PRKAG2: variants seen among roughly 807,000 people sequenced by gnomAD.
PRKAG2 encodes the protein protein kinase AMP-activated non-catalytic subunit gamma 2.
Under a neutral mutation model 69.6 loss-of-function variants are expected in PRKAG2, and 26 were observed. The observed-to-expected ratio is 0.37, with a 90% confidence interval of 0.27 to 0.52. The LOEUF is 0.52. Among genes scored for constraint, PRKAG2 ranks in the 20% least tolerant of loss-of-function variants. The pLI, the probability that PRKAG2 is intolerant of heterozygous loss-of-function variation, is 0.90. For missense variants in PRKAG2, 557 were observed against 740.0 expected (o/e 0.75, Z 2.87); for synonymous variants, 293 against 285.0 (o/e 1.03, Z -0.28).
At chr7:151,667,651 T>G (rs530272012) in intron 4 of PRKAG2, among the ~76,000 whole-genome samples, 1 of 152,376 alleles carries the variant, frequency 6.6e-6, no homozygotes, top group Non-Finnish European at 1.5e-5. Context: ...GTGCCTGTTC[T>G]GAGCCTAGGC....
intron 5 of PRKAG2, among the ~76,000 whole-genome samples, chr7:151,616,985 C>T (rs1051248244): frequency 2.0e-5 from 3 of 152,000 alleles, no homozygotes; most frequent in Non-Finnish European, 2.9e-5. Flanking sequence ...CTAGGCCGGG[C>T]GCGGGGGCTC....
intron 1 of PRKAG2, among the ~76,000 whole-genome samples, chr7:151,868,136 G>A (rs753433560): frequency 5.3e-5 from 8 of 152,218 alleles, no homozygotes; most frequent in Non-Finnish European, 5.9e-5. Context: ...GGTGATAGCC[G>A]ATTGGTCCGT....
chr7:151,765,469 C>T (rs1392915382), intron 3 of PRKAG2, among the ~76,000 whole-genome samples: 1 of 152,154 alleles, frequency 6.6e-6, no homozygotes, highest in African/African-American at 2.4e-5. Flanking sequence ...AACAAGAAGC[C>T]AAACCATATC....
At chr7:151,587,033 C>T (rs1372605986) in intron 6 of PRKAG2, among the ~76,000 whole-genome samples, 1 of 152,016 alleles carries the variant, frequency 6.6e-6, no homozygotes, top group East Asian at 1.9e-4. Context: ...TGTTGTTGCC[C>T]GCCTGTAATC....
intron 2 of PRKAG2, among the ~76,000 whole-genome samples, chr7:151,782,608 A>G (rs953208643): frequency 6.6e-6 from 1 of 152,188 alleles, no homozygotes; most frequent in Non-Finnish European, 1.5e-5. Context: ...TTCCTGCTGG[A>G]TGCGTGGAGG....
In PRKAG2 at chr7:151,595,482, T is replaced by G. The variant is rs553273817; in HGVS notation, c.755-28A>C. The G allele has an allele frequency of 4.8e-5, 70 of 1,468,244 alleles. No individual in the cohort carries two copies. The East Asian group carries it at 1.1e-3, about 23-fold the overall frequency. The allele number at this position is 1,468,244 out of a possible 1,614,324, so 91.0% of individuals were successfully genotyped here. ...AAAAGAAAAAAAGGCAAAACATCAGTAATAATAAAGAATTCCCTCAATCGG... is the reference window on the plus strand; with the variant it reads ...AAAAGAAAAAAAGGCAAAACATCAGGAATAATAAAGAATTCCCTCAATCGG... On this transcript the variant is annotated intron_variant, in intron 5 of 15. Transcript: ENST00000287878.
In PRKAG2 at chr7:151,752,958, A is replaced by G. The variant is rs185421844; in HGVS notation, c.466+28194T>C. On this transcript the variant is annotated intron_variant, in intron 3 of 15. Transcript: ENST00000287878. ...AAGTGACCGGCGTCCACTTCACCGG[A>G]AAGGTGTCGCGGCCGCATCGGGTGA... 8.6e-4 allele frequency among the ~76,000 whole-genome samples: 131 copies of G among 152,350 alleles called. No homozygotes were observed. In the East Asian group the frequency reaches 0.024, roughly 28 times the overall value.
chr7:151,633,570 A>C (rs1825195532), intron 4 of PRKAG2, among the ~76,000 whole-genome samples: 1 of 151,938 alleles, frequency 6.6e-6, no homozygotes, highest in South Asian at 2.1e-4. Flanking sequence ...CATAGCATAC[A>C]AGATCAACAC....
At chr7:151,790,158 A>C (rs2077208175) in intron 1 of PRKAG2, among the ~76,000 whole-genome samples, 1 of 152,058 alleles carries the variant, frequency 6.6e-6, no homozygotes, top group Non-Finnish European at 1.5e-5. Flanking sequence ...GGCCCATAGC[A>C]ATGCAGGAAT....
intron 1 of PRKAG2, among the ~76,000 whole-genome samples, chr7:151,854,353 G>A (rs2079652824): frequency 6.6e-6 from 1 of 152,214 alleles, no homozygotes; most frequent in South Asian, 2.1e-4. Flanking sequence ...AACCCTTCTG[G>A]ACTTAGCAGC....
rs73728229 is a variant in PRKAG2 at position 151,662,312 on chromosome 7, A to G, written c.684+13108T>C. ...AAAGGAATGAAAGAAAATGTGCCCCAGATGGAACTGAGGTTTCATCCCAGC... is the reference window on the plus strand; with the variant it reads ...AAAGGAATGAAAGAAAATGTGCCCCGGATGGAACTGAGGTTTCATCCCAGC... On this transcript the variant is annotated intron_variant, in intron 4 of 15. Coordinates refer to ENST00000287878, the MANE Select transcript of PRKAG2 (RefSeq NM_016203.4). 4.9e-3 allele frequency among the ~76,000 whole-genome samples: 739 copies of G among 152,334 alleles called. 3 individuals are homozygous for G. The highest frequency in any genetic ancestry group is 0.017 in the African/African-American group (707 of 41,566).
chr7:151,743,743 C>T (rs1289087431), intron 3 of PRKAG2, among the ~76,000 whole-genome samples: 1 of 152,194 alleles, frequency 6.6e-6, no homozygotes, highest in Non-Finnish European at 1.5e-5. Flanking sequence ...AGCTGCTGCT[C>T]CATGCTCGGC....
chr7:151,813,730 C>G (rs1043093170), intron 1 of PRKAG2, among the ~76,000 whole-genome samples: 2 of 152,214 alleles, frequency 1.3e-5, no homozygotes, highest in African/African-American at 4.8e-5. Flanking sequence ...CTACGATCTT[C>G]TCTTCCTTCC....
At chr7:151,870,804 C>T (rs538396115) in intron 1 of PRKAG2, among the ~76,000 whole-genome samples, 1 of 152,338 alleles carries the variant, frequency 6.6e-6, no homozygotes, top group East Asian at 1.9e-4. Context: ...GGCCACGCGG[C>T]GGGGGGAGGC....
intron 6 of PRKAG2, among the ~76,000 whole-genome samples, chr7:151,578,259 C>T (rs531707045): frequency 1.2e-4 from 19 of 152,134 alleles, no homozygotes; most frequent in African/African-American, 3.9e-4. Context: ...GCACAAGAAT[C>T]GCTTGAACCT....
chr7:151,863,590 C>T (rs1055506349), intron 1 of PRKAG2, among the ~76,000 whole-genome samples: 6 of 152,186 alleles, frequency 3.9e-5, no homozygotes, highest in African/African-American at 1.2e-4. Flanking sequence ...ACAAAGGCCA[C>T]TGGAGGGCAG....
At chr7:151,772,700 C>T (rs546425863) in intron 3 of PRKAG2, among the ~76,000 whole-genome samples, 1 of 152,098 alleles carries the variant, frequency 6.6e-6, no homozygotes, top group South Asian at 2.1e-4. Flanking sequence ...TTTGGTGTGA[C>T]CAAGAGCCAG....
At position 151,819,670 on chromosome 7, in the gene PRKAG2, A is replaced by T. The variant is rs150003549; in HGVS notation, c.115-33129T>A. Among the ~76,000 whole-genome samples, 9 of 152,346 alleles carry T rather than the reference A, an allele frequency of 5.9e-5. No homozygotes were observed. In the East Asian group the frequency reaches 1.7e-3, roughly 29 times the overall value. On this transcript the variant is annotated intron_variant, in intron 1 of 15. Transcript: ENST00000287878. ...AAACAAACCAACCCCCGCAAAGGAT[A>T]ACAGTTTCTCTATCTTTCAAGGCCA...
intron 5 of PRKAG2, among the ~76,000 whole-genome samples, chr7:151,626,681 A>G (rs1005548081): frequency 1.8e-4 from 28 of 152,250 alleles, no homozygotes; most frequent in African/African-American, 6.5e-4. Flanking sequence ...TGTGAGAGTC[A>G]AGGGACAAGG....
Sources: allele counts gnomAD v4.1 joint callset (sites outside exome capture counted in the v4.1 genomes callset), GRCh38; gene constraint gnomAD v4.1.1; transcripts MANE v1.5; gene names NCBI Gene and HGNC (gene_info 2026-07-23, HGNC 2026-07-21).